The following IRF8 variants were observed in gnomAD, a reference collection of about 807,000 sequenced individuals.
The protein encoded by IRF8 is interferon consensus sequence binding protein 1.
In IRF8, 14 loss-of-function variants were observed where a neutral mutation model predicts 48.7. The ratio of observed to expected loss-of-function variants is 0.29; its 90% CI spans 0.19 to 0.45. The LOEUF (loss-of-function observed/expected upper bound fraction) is 0.45. IRF8 is among the 20% of genes least tolerant of loss of function. The probability of loss-of-function intolerance (pLI) is 1.00; values close to 1 mark genes in which losing one functional copy is unlikely to be tolerated. For synonymous variants in IRF8, 278 were observed against 227.3 expected (o/e 1.22, Z -2.01); for missense variants, 493 against 580.7 (o/e 0.85, Z 1.55).
chr16:85,901,945 G>C (rs62052555), intron 1 of IRF8, among the ~76,000 whole-genome samples: 1 of 149,846 alleles, frequency 6.7e-6, no homozygotes, highest in Non-Finnish European at 1.5e-5. Context: ...TTTTTTTTGG[G>C]TGGGCGTCTA....
Position 85,918,592 on chromosome 16 carries a change from C to A in IRF8, c.777C>A (p.Pro259=). 3.7e-6 allele frequency: 6 copies of A among 1,606,838 alleles called. No homozygotes were observed. The highest frequency in any genetic ancestry group is 1.3e-5 in the African/African-American group (1 of 75,048). ...LVRFPPADAI[P]SERQRQVTRK... ...GCTTCCCGCCGGCCGACGCCATCCCCAGCGAGCGACAGAGGCAGGTGACGC... is the reference window on the plus strand; with the variant it reads ...GCTTCCCGCCGGCCGACGCCATCCCAAGCGAGCGACAGAGGCAGGTGACGC... The change falls in exon 7 of 9, where the codon CCC becomes CCA. Residue 259 remains proline, a synonymous_variant. Transcript: ENST00000268638.
At chr16:85,915,033 T>G (rs1162999047) in intron 6 of IRF8, among the ~76,000 whole-genome samples, 2 of 151,906 alleles carry the variant, frequency 1.3e-5, no homozygotes, top group African/African-American at 4.8e-5. Flanking sequence ...GCAGGTGGAG[T>G]GGTGGAGCCT....
At chr16:85,917,410 C>T (rs1229650019) in intron 6 of IRF8, among the ~76,000 whole-genome samples, 1 of 152,184 alleles carries the variant, frequency 6.6e-6, no homozygotes, top group Non-Finnish European at 1.5e-5. Context: ...GGTCCAGTGT[C>T]ACAATTGGTT....
At position 85,914,479 on chromosome 16, in the gene IRF8, C is replaced by T. The variant is rs755555074; in HGVS notation, c.560C>T (p.Pro187Leu). ...TTTTCTGTTTCTCCTGCAGGCGTGC[C>T]GCTGGTGACGGGGTACACCACCTAC... Reference protein sequence around the residue: ...WWAQQPSTGVPLVTGYTTYDA... With the variant: ...WWAQQPSTGVLLVTGYTTYDA... Residue 187 changes from proline to leucine, a missense_variant, in exon 6 of 9, where the codon CCG (proline) becomes CTG (leucine). Around this residue, in one of 3 missense-constraint regions of IRF8, gnomAD observed 408 missense variants for 449.6 expected, o/e 0.91. Coordinates refer to ENST00000268638, the MANE Select transcript of IRF8 (RefSeq NM_002163.4). 7 of 1,614,104 alleles carry T rather than the reference C, an allele frequency of 4.3e-6. No individual in the cohort carries two copies. Among genetic ancestry groups the T allele is most frequent in the Admixed American group, 1.7e-5 (1 of 60,022 alleles).
chr16:85,902,399 A>C (rs954129648), intron 1 of IRF8, among the ~76,000 whole-genome samples: 22 of 152,194 alleles, frequency 1.4e-4, no homozygotes, highest in Non-Finnish European at 1.5e-5. Flanking sequence ...TTAAATGCTG[A>C]TCCAGCGTCT....
In IRF8 at chr16:85,921,207, C is replaced by A; in HGVS notation, c.1206C>A (p.Val402=). 1 of 1,614,240 alleles carries A rather than the reference C, an allele frequency of 6.2e-7. No homozygotes were observed. The highest frequency in any genetic ancestry group is 8.5e-7 in the Non-Finnish European group (1 of 1,180,038). The change falls in exon 9 of 9, where the codon GTC becomes GTA. Residue 402 remains valine (V), a synonymous_variant. Coordinates refer to ENST00000268638, the MANE Select transcript of IRF8 (RefSeq NM_002163.4). ...QAPEEPPPDQ[V]FRMFPDICAS... is the part of the protein sequence containing the mutation. Reference sequence around the variant, plus strand: ...CCGAGGAGCCGCCGCCAGACCAGGTCTTCCGGATGTTTCCAGATATTTGTG... The same window carrying A: ...CCGAGGAGCCGCCGCCAGACCAGGTATTCCGGATGTTTCCAGATATTTGTG...
intron 2 of IRF8, 119 bp downstream of exon 2, chr16:85,903,308 A>G: frequency 1.0e-6 from 1 of 1,000,118 alleles, no homozygotes; most frequent in South Asian, 1.4e-5. Context: ...GTTTTTTAAA[A>G]GCAAACATTG....
At chr16:85,905,121 G>A (rs886470067) in intron 2 of IRF8, among the ~76,000 whole-genome samples, 3 of 152,110 alleles carry the variant, frequency 2.0e-5, no homozygotes, top group Admixed American at 2.0e-4. Context: ...AATATCTCCT[G>A]GTGGGGCAGA....
At chr16:85,918,311 C>T in intron 6 of IRF8, 106 bp from the exon 7 acceptor site, 1 of 1,329,948 alleles carries the variant, frequency 7.5e-7, no homozygotes, top group Non-Finnish European at 1.0e-6. Flanking sequence ...TGGTTCAAGA[C>T]ACACAAAGAG....
chr16:85,911,655 G>C lies in IRF8; in HGVS notation c.444G>C (p.Lys148Asn), dbSNP rs778397229. ...GCTCTGAAATCGACGAGCTGATCAA[G>C]GAGGTAAGCAGAGGCAGCATTTCAG... is the stretch of plus-strand genomic sequence containing the variant. ...CGRSEIDELIKEPSVDDYMGM... is the reference protein window; with the variant it reads ...CGRSEIDELINEPSVDDYMGM... Residue 148 changes from lysine to asparagine, a missense_variant, in exon 4 of 9, where the codon AAG becomes AAC. By Grantham distance (94) the Lys-to-Asn change is moderately conservative (BLOSUM62 0). This residue lies in a region of IRF8 where 408 missense variants were observed against 449.6 expected (regional missense o/e 0.91). Transcript: ENST00000268638. The C allele has an allele frequency of 6.2e-7, 1 of 1,613,510 alleles. No homozygotes were observed. Among genetic ancestry groups the C allele is most frequent in the Admixed American group, 1.7e-5 (1 of 60,012 alleles).
At chr16:85,913,074 C>A in intron 4 of IRF8, 57 bp from the exon 5 acceptor site, 2 of 1,163,856 alleles carry the variant, frequency 1.7e-6, no homozygotes, top group South Asian at 1.2e-5. Context: ...AACACTGGAG[C>A]CCCAGGTGGG....
chr16:85,911,682 G>A (rs1350052401), intron 4 of IRF8, 24 bp downstream of exon 4: 1 of 1,600,370 alleles, frequency 6.2e-7, no homozygotes, highest in Admixed American at 1.7e-5. Flanking sequence ...GCATTTCAGG[G>A]GTCTGGCCCT....
chr16:85,908,153 G>A (rs1905055889), intron 2 of IRF8, among the ~76,000 whole-genome samples: 2 of 152,236 alleles, frequency 1.3e-5, no homozygotes, highest in Admixed American at 6.5e-5. Flanking sequence ...TATCATTTTA[G>A]GCTGGAGGAC....
At chr16:85,917,083 G>T (rs905823415) in intron 6 of IRF8, among the ~76,000 whole-genome samples, 3 of 152,156 alleles carry the variant, frequency 2.0e-5, no homozygotes, top group Non-Finnish European at 2.9e-5. Flanking sequence ...GAGCCCAATG[G>T]GAGGGTCCAA....
chr16:85,920,402 A>G (rs2143057037), intron 8 of IRF8, among the ~76,000 whole-genome samples, 178 bp downstream of exon 8: 1 of 152,156 alleles, frequency 6.6e-6, no homozygotes, highest in South Asian at 2.1e-4. Flanking sequence ...CCGTGCCACC[A>G]CGCTCAGCTA....
At position 85,921,698 on chromosome 16, in the gene IRF8, G is replaced by A. The variant is rs1568391; in HGVS notation, c.*416G>A. The stretch of plus-strand genomic sequence containing the variant: ...AAACAAGGTTGTTTTTGTCTTTATC[G>A]TTTGTTAGAGTTATAGATTTATGAT... On this transcript the variant is annotated 3_prime_UTR_variant, in exon 9 of 9. Transcript: ENST00000268638. 8.2e-6 allele frequency: 2 copies of A among 242,580 alleles called. No individual in the cohort carries two copies. The highest frequency in any genetic ancestry group is 2.3e-5 in the African/African-American group (1 of 43,352). 15.0% of individuals were successfully genotyped at this position (242,580 alleles called of 1,614,324 possible). A position where few individuals can be genotyped will look rare whatever the true frequency, so the allele number is the denominator to read the frequency against.
intron 3 of IRF8, among the ~76,000 whole-genome samples, chr16:85,910,960 A>C (rs991713109): frequency 6.6e-6 from 1 of 152,244 alleles, no homozygotes; most frequent in Non-Finnish European, 1.5e-5. Context: ...CGGCATGAGA[A>C]GGGAAAGAGC....
intron 2 of IRF8, among the ~76,000 whole-genome samples, chr16:85,906,609 C>T (rs755262341): frequency 1.3e-4 from 20 of 152,162 alleles, no homozygotes; most frequent in Admixed American, 8.5e-4. Context: ...TTGGCGTGAA[C>T]GAGTGAGTAT....
At chr16:85,920,039 C>T in intron 7 of IRF8, 70 bp from the exon 8 acceptor site, 3 of 1,125,288 alleles carry the variant, frequency 2.7e-6, no homozygotes, top group Non-Finnish European at 4.0e-6. Flanking sequence ...GATCCCCCAG[C>T]CCTGCTGCTG....
Sources: gnomAD v4.1 joint callset for allele counts (sites outside exome capture counted in the v4.1 genomes callset) on GRCh38, gnomAD v4.1.1 for gene constraint, gnomAD v4.1.1 regional missense constraint, MANE v1.5 for transcripts, NCBI Gene and HGNC (gene_info 2026-07-23, HGNC 2026-07-21) for gene names.